EXOC1: variants seen among roughly 807,000 people sequenced by gnomAD.
EXOC1 encodes the protein SEC3-like 1.
In EXOC1, 67 loss-of-function variants were observed where a neutral mutation model predicts 107.7. The ratio of observed to expected loss-of-function variants is 0.62; its 90% CI spans 0.51 to 0.76. EXOC1 has a LOEUF of 0.76. Ranked by LOEUF, EXOC1 falls within the 30% of genes least tolerant of loss-of-function variation. The pLI is 0.00. For missense variants in EXOC1, 833 were observed against 1,055.7 expected (o/e 0.79, Z 2.92); for synonymous variants, 348 against 353.5 (o/e 0.98, Z 0.17).
intron 1 of EXOC1, among the ~76,000 whole-genome samples, chr4:55,857,237 G>T (rs1412527768): frequency 1.6e-5 from 2 of 126,222 alleles, no homozygotes; most frequent in Non-Finnish European, 1.6e-5. Flanking sequence ...GTAGTGCAGT[G>T]GCGCAGTCTC....
chr4:55,870,616 A>T, intron 5 of EXOC1, 62 bp from the exon 6 acceptor site: 1 of 1,461,904 alleles, frequency 6.8e-7, no homozygotes, highest in Non-Finnish European at 9.4e-7. Context: ...ACATCTAAAT[A>T]ACAAGTATGT....
Position 55,902,428 on chromosome 4 carries a change from G to C in EXOC1, c.2422G>C (p.Glu808Gln). The C allele has an allele frequency of 6.3e-7, 1 of 1,588,034 alleles. No individual in the cohort carries two copies. The highest frequency in any genetic ancestry group is 8.6e-7 in the Non-Finnish European group (1 of 1,168,838). ...TTACCAACTTGCATTTAACAAACAA[G>C]AACTTCGTAAAGTCATTAAGGAGTA... ...VSYQLAFNKQ[E>Q]LRKVIKEYPG... is the part of the protein sequence containing the mutation. The change falls in exon 18 of 19, where the codon GAA becomes CAA. Residue 808 changes from glutamate to glutamine, a missense_variant. This residue lies in a region of EXOC1 where 216 missense variants were observed against 354.4 expected (regional missense o/e 0.61). Coordinates refer to ENST00000381295, the MANE Select transcript of EXOC1 (RefSeq NM_001024924.2).
intron 18 of EXOC1, 44 bp from the exon 19 acceptor site, chr4:55,904,299 A>G: frequency 6.5e-7 from 1 of 1,543,690 alleles, no homozygotes; most frequent in South Asian, 1.2e-5. Flanking sequence ...TAGATTACAT[A>G]TTATTTCCAT....
rs190259305 is a variant in EXOC1 at position 55,901,275 on chromosome 4, A to G, written c.2338-1069A>G. ...TTTAAAGCAAATATACTGAAAAACA[A>G]TGTATTTCCTGTCTACCAATTAAGA... On this transcript the variant is annotated intron_variant, in intron 17 of 18. Transcript: ENST00000381295. Among the ~76,000 whole-genome samples, 386 of 152,318 alleles carry G rather than the reference A, an allele frequency of 2.5e-3. 1 individual carries two copies. The highest frequency in any genetic ancestry group is 0.02 in the Middle Eastern group (6 of 294).
At chr4:55,892,583 T>C (rs1724685282) in intron 13 of EXOC1, 52 bp from the exon 14 acceptor site, 25 of 1,462,706 alleles carry the variant, frequency 1.7e-5, no homozygotes, top group Non-Finnish European at 2.3e-5. Context: ...ATATCAATAC[T>C]AGTCAAATTG....
chr4:55,872,053 G>T, intron 8 of EXOC1, 95 bp downstream of exon 8: 1 of 1,080,738 alleles, frequency 9.3e-7, no homozygotes, highest in Non-Finnish European at 1.3e-6. Flanking sequence ...GTTTAATTGG[G>T]GTTGCAGTCA....
intron 8 of EXOC1, chr4:55,877,254 T>G (rs897587594): frequency 1.0e-5 from 10 of 985,366 alleles, no homozygotes; most frequent in Non-Finnish European, 1.1e-5. Context: ...TCTGTGTAAT[T>G]TTAATACAGT....
At chr4:55,891,232 C>G in intron 12 of EXOC1, 83 bp from the exon 13 acceptor site, 2 of 836,192 alleles carry the variant, frequency 2.4e-6, no homozygotes, top group South Asian at 1.4e-5. Context: ...ATGGTCTGTG[C>G]AGAAAAGAAA....
chr4:55,891,851 C>T (rs892302701), intron 13 of EXOC1, among the ~76,000 whole-genome samples: 5 of 152,122 alleles, frequency 3.3e-5, no homozygotes, highest in African/African-American at 1.2e-4. Flanking sequence ...CTCAGATTTG[C>T]CTTCCTTGTG....
intron 6 of EXOC1, 73 bp downstream of exon 6, chr4:55,870,978 T>C (rs1293009739): frequency 5.8e-6 from 9 of 1,548,952 alleles, no homozygotes; most frequent in Admixed American, 2.0e-5. Flanking sequence ...AAACATTTTT[T>C]AATTTCCTTG....
intron 1 of EXOC1, among the ~76,000 whole-genome samples, chr4:55,857,175 T>C (rs1449749913): frequency 1.1e-4 from 12 of 112,324 alleles, no homozygotes; most frequent in East Asian, 2.4e-4. Context: ...TTTCTTTTTT[T>C]TTTTTTTTTT....
At chr4:55,899,562 T>C in intron 16 of EXOC1, 123 bp from the exon 17 acceptor site, 1 of 817,992 alleles carries the variant, frequency 1.2e-6, no homozygotes. Context: ...TATATTGTAT[T>C]AAGTCCAGAA....
At position 55,904,463 on chromosome 4, in the gene EXOC1, G is replaced by T; in HGVS notation, c.2653G>T (p.Asp885Tyr). Residue 885 changes from aspartate to tyrosine, a missense_variant, in exon 19 of 19, where the codon GAT becomes TAT. By Grantham distance (160) the Asp-to-Tyr change is radical (BLOSUM62 -3). This residue lies in a region of EXOC1 where 216 missense variants were observed against 354.4 expected (regional missense o/e 0.61). Coordinates refer to ENST00000381295, the MANE Select transcript of EXOC1 (RefSeq NM_001024924.2). The part of the protein sequence containing the change: ...TMEFTIQDIL[D>Y]YCSSIAQSH ...GGAATTCACTATTCAGGACATTCTG[G>T]ATTATTGTTCCAGCATTGCACAGTC... The T allele has an allele frequency of 6.2e-7, 1 of 1,612,414 alleles. No homozygotes were observed. The highest frequency in any genetic ancestry group is 1.1e-5 in the South Asian group (1 of 90,840).
At chr4:55,868,556 T>C (rs1339607444) in intron 5 of EXOC1, 33 bp downstream of exon 5, 2 of 1,593,044 alleles carry the variant, frequency 1.3e-6, no homozygotes, top group Admixed American at 3.4e-5. Flanking sequence ...GAATAAGTGA[T>C]GTATAGTGGA....
chr4:55,875,375 AAAG>A, intron 8 of EXOC1: 1 of 929,562 alleles, frequency 1.1e-6, no homozygotes, highest in Non-Finnish European at 1.3e-6. Flanking sequence ...TTTTTTAAGA[AAAG>A]AATAAGTAAG....
intron 15 of EXOC1, 149 bp downstream of exon 15, chr4:55,893,929 A>C (rs1238033003): frequency 1.0e-5 from 7 of 668,622 alleles, no homozygotes; most frequent in Non-Finnish European, 1.8e-5. Flanking sequence ...AATCTACATG[A>C]ACAGAGTTAG....
At chr4:55,877,248 T>C (rs1198771747) in intron 8 of EXOC1, 1 of 985,292 alleles carries the variant, frequency 1.0e-6, no homozygotes, top group Non-Finnish European at 1.2e-6. Context: ...TAGCAGTCTG[T>C]GTAATTTTAA....
At chr4:55,858,541 A>G in intron 2 of EXOC1, 94 bp downstream of exon 2, 1 of 1,352,776 alleles carries the variant, frequency 7.4e-7, no homozygotes, top group South Asian at 1.9e-5. Flanking sequence ...TTGTCTCTGT[A>G]ATTGGAAAAA....
intron 8 of EXOC1, chr4:55,876,823 A>C: frequency 1.0e-6 from 1 of 984,416 alleles, no homozygotes; most frequent in Non-Finnish European, 1.2e-6. Context: ...TTTTCTTTTT[A>C]ATTTCCATTT....
Sources: allele counts gnomAD v4.1 joint callset (sites outside exome capture counted in the v4.1 genomes callset), GRCh38; gene constraint gnomAD v4.1.1; regional missense constraint gnomAD v4.1.1; transcripts MANE v1.5; gene names NCBI Gene and HGNC (gene_info 2026-07-23, HGNC 2026-07-21).